POLR3B: variants seen among roughly 807,000 people sequenced by gnomAD.
POLR3B encodes DNA-directed RNA polymerase III subunit RPC2.
A neutral mutation model predicts 147.4 loss-of-function variants in POLR3B; 96 were observed. The ratio of observed to expected loss-of-function variants is 0.65; its 90% confidence interval spans 0.55 to 0.77. POLR3B has a LOEUF of 0.77. Ranked by LOEUF, POLR3B falls within the 30% of genes least tolerant of loss-of-function variation. The pLI is 0.00. For missense variants in POLR3B, 1,036 were observed against 1,413.5 expected (o/e 0.73, Z 4.28); for synonymous variants, 461 against 485.9 (o/e 0.95, Z 0.67).
intron 7 of POLR3B, among the ~76,000 whole-genome samples, chr12:106,377,061 A>G (rs2036691224): frequency 6.6e-6 from 1 of 152,184 alleles, no homozygotes; most frequent in Admixed American, 6.5e-5. Flanking sequence ...TTCAAGAATA[A>G]TCTTCCAGAG....
At chr12:106,446,159 G>A in intron 19 of POLR3B, 1 of 447,508 alleles carries the variant, frequency 2.2e-6, no homozygotes, top group South Asian at 1.6e-5. Context: ...TGTCATGAAA[G>A]GGCTATCACT....
At chr12:106,421,835 G>T (rs1431861873) in intron 12 of POLR3B, among the ~76,000 whole-genome samples, 1 of 151,988 alleles carries the variant, frequency 6.6e-6, no homozygotes, top group African/African-American at 2.4e-5. Flanking sequence ...AAGTAGCTGG[G>T]ATTACAGGCA....
rs556876676 is a variant in POLR3B, at chr12:106,361,121, G to A, written c.73-2749G>A. On this transcript the variant is annotated intron_variant, in intron 1 of 27. Transcript: ENST00000228347. ...ACTGAAGAGTTGTAGAGAATGAGGT[G>A]CTCAGCTGTGCACATGAGGACATGT... 3.3e-5 allele frequency among the ~76,000 whole-genome samples: 5 copies of A among 152,314 alleles called. No homozygotes were observed. In the South Asian group the frequency reaches 1.0e-3, roughly 32 times the overall value.
intron 12 of POLR3B, among the ~76,000 whole-genome samples, chr12:106,426,672 A>T (rs2037441045): frequency 6.6e-6 from 1 of 152,092 alleles, no homozygotes; most frequent in South Asian, 2.1e-4. Context: ...AAGTTTGAGA[A>T]ACACTCCTGC....
chr12:106,426,688 G>A (rs2037441252), intron 12 of POLR3B, among the ~76,000 whole-genome samples: 1 of 152,112 alleles, frequency 6.6e-6, no homozygotes, highest in Non-Finnish European at 1.5e-5. Context: ...CCTGCAGCAG[G>A]TATAACTAGG....
intron 23 of POLR3B, among the ~76,000 whole-genome samples, chr12:106,494,275 C>T (rs566217624): frequency 5.1e-4 from 78 of 152,280 alleles, no homozygotes; most frequent in African/African-American, 1.9e-3. Context: ...TGTCATGCTT[C>T]CTTGGTCAGT....
chr12:106,378,860 T>A (rs2036718547), intron 8 of POLR3B, among the ~76,000 whole-genome samples: 1 of 152,230 alleles, frequency 6.6e-6, no homozygotes, highest in Non-Finnish European at 1.5e-5. Context: ...GTATTCATTT[T>A]TACTACAGTC....
At chr12:106,393,272 G>T in intron 10 of POLR3B, 119 bp downstream of exon 10, 2 of 1,388,690 alleles carry the variant, frequency 1.4e-6, no homozygotes, top group Non-Finnish European at 1.0e-6. Flanking sequence ...AGGTATTGGG[G>T]AGATATGGGA....
chr12:106,456,304 G>A (rs1294656508), intron 20 of POLR3B, among the ~76,000 whole-genome samples: 2 of 151,862 alleles, frequency 1.3e-5, no homozygotes, highest in African/African-American at 2.4e-5. Flanking sequence ...TTTTTCTTCT[G>A]TCCTTTTTGC....
chr12:106,366,645 T>C lies in POLR3B; in HGVS notation c.163-13T>C. 6.2e-7 allele frequency: 1 copy of C among 1,612,064 alleles called. No individual in the cohort carries two copies. The highest frequency in any genetic ancestry group is 2.2e-5 in the East Asian group (1 of 44,856). On this transcript the variant is annotated splice_polypyrimidine_tract_variant and intron_variant, in intron 3 of 27. Transcript: ENST00000228347. The stretch of plus-strand genomic sequence containing the variant: ...AGCCAGAGTCTTTGCTAATGTTGCA[T>C]TTTCCACTGCAGATAAAGAAGATAA...
chr12:106,420,659 A>G (rs1352509549), intron 12 of POLR3B, among the ~76,000 whole-genome samples: 1 of 152,214 alleles, frequency 6.6e-6, no homozygotes, highest in Non-Finnish European at 1.5e-5. Context: ...AAACAGAGCC[A>G]CCTAGTCTGT....
intron 23 of POLR3B, among the ~76,000 whole-genome samples, chr12:106,482,545 G>A (rs976579888): frequency 1.3e-5 from 2 of 152,108 alleles, no homozygotes; most frequent in East Asian, 1.9e-4. Context: ...AAAACAACCA[G>A]TTCCTGTGAG....
At chr12:106,479,619 G>A (rs886771752) in intron 23 of POLR3B, among the ~76,000 whole-genome samples, 19 of 151,980 alleles carry the variant, frequency 1.3e-4, no homozygotes, top group Admixed American at 7.2e-4. Context: ...TCCTGACCTC[G>A]TGATCCACCT....
chr12:106,509,313 T>C (rs2038738125), intron 27 of POLR3B, 107 bp from the exon 28 acceptor site: 1 of 1,148,466 alleles, frequency 8.7e-7, no homozygotes, highest in Non-Finnish European at 1.3e-6. Flanking sequence ...AGAAAGATAA[T>C]TTGATAGAAT....
chr12:106,444,573 T>TG lies in POLR3B; in HGVS notation c.2070dup (p.Lys691GlufsTer16). ...CCGAGAAACACTTATCAGTGTGCCA[T>TG]GGGGAAACAAGCCATGGGTAAGATT... is the stretch of plus-strand genomic sequence containing the variant. On this transcript the variant is annotated frameshift_variant, in exon 19 of 28. Transcript: ENST00000228347. LOFTEE classifies it high-confidence loss of function. 6.2e-7 allele frequency: 1 copy of TG among 1,613,810 alleles called. No homozygotes were observed. Among genetic ancestry groups the TG allele is most frequent in the South Asian group, 1.1e-5 (1 of 91,056 alleles).
At chr12:106,483,709 C>A (rs1391654021) in intron 23 of POLR3B, among the ~76,000 whole-genome samples, 3 of 152,156 alleles carry the variant, frequency 2.0e-5, no homozygotes, top group Non-Finnish European at 4.4e-5. Context: ...TCTGAGGCAG[C>A]CTCTTCTGTA....
At chr12:106,363,366 C>T (rs147361013) in intron 1 of POLR3B, among the ~76,000 whole-genome samples, 10 of 152,320 alleles carry the variant, frequency 6.6e-5, no homozygotes, top group South Asian at 2.1e-4. Flanking sequence ...CAATGTTCCT[C>T]GCCTCCATCA....
intron 12 of POLR3B, 53 bp from the exon 13 acceptor site, chr12:106,427,144 A>G (rs2037450151): frequency 8.7e-7 from 1 of 1,149,736 alleles, no homozygotes; most frequent in South Asian, 1.4e-5. Context: ...TTATTAAAAT[A>G]ATCTAGCAAT....
intron 23 of POLR3B, among the ~76,000 whole-genome samples, chr12:106,479,799 C>A (rs1297995442): frequency 1.2e-5 from 1 of 85,810 alleles, no homozygotes; most frequent in Non-Finnish European, 2.7e-5. Flanking sequence ...TTCCTTCCTT[C>A]TTTTCTTTTC....
Sources: gnomAD v4.1 joint callset for allele counts (sites outside exome capture counted in the v4.1 genomes callset) on GRCh38, gnomAD v4.1.1 for gene constraint, MANE v1.5 for transcripts, NCBI Gene and HGNC (gene_info 2026-07-23, HGNC 2026-07-21) for gene names.